Variants in KCNMB2 observed in about 807,000 individuals in gnomAD.
The protein encoded by KCNMB2 is potassium calcium-activated channel subfamily M regulatory beta subunit 2.
In KCNMB2, 9 loss-of-function variants were observed where a neutral mutation model predicts 24.5. The ratio of observed to expected loss-of-function variants is 0.37; its 90% CI spans 0.22 to 0.64. The LOEUF is 0.64. Among genes scored for constraint, KCNMB2 ranks in the 30% least tolerant of loss-of-function variants. The pLI, the probability that KCNMB2 is intolerant of heterozygous loss-of-function variation, is 0.63. For synonymous variants in KCNMB2, 109 were observed against 104.4 expected (o/e 1.04, Z -0.27); for missense variants, 226 against 284.3 (o/e 0.79, Z 1.47).
chr3:178,811,390 G>A (rs1275779375), intron 2 of KCNMB2, among the ~76,000 whole-genome samples: 1 of 151,938 alleles, frequency 6.6e-6, no homozygotes, highest in Non-Finnish European at 1.5e-5. Flanking sequence ...TTTTTTTCAT[G>A]AGTTTATCAC....
intron 1 of KCNMB2, among the ~76,000 whole-genome samples, chr3:178,636,263 G>A (rs936435980): frequency 6.6e-6 from 1 of 152,120 alleles, no homozygotes; most frequent in Non-Finnish European, 1.5e-5. Flanking sequence ...GAATGGGAGG[G>A]GAGTGAGGGA....
intron 1 of KCNMB2, among the ~76,000 whole-genome samples, chr3:178,715,301 A>G (rs1722582893): frequency 6.6e-6 from 1 of 151,994 alleles, no homozygotes. Flanking sequence ...TGGGAAGAAC[A>G]GATCCGAAAG....
At chr3:178,811,667 G>C (rs1201997352) in intron 2 of KCNMB2, among the ~76,000 whole-genome samples, 1 of 152,060 alleles carries the variant, frequency 6.6e-6, no homozygotes, top group African/African-American at 2.4e-5. Flanking sequence ...CAACAATGAT[G>C]CTATTCTTCT....
intron 1 of KCNMB2, among the ~76,000 whole-genome samples, chr3:178,709,493 G>A (rs1187573299): frequency 6.6e-6 from 1 of 152,182 alleles, no homozygotes; most frequent in South Asian, 2.1e-4. Flanking sequence ...CACTGTCAGT[G>A]CTAGGTCAAT....
At chr3:178,570,850 G>GCTAT (rs1208256519) in intron 1 of KCNMB2, among the ~76,000 whole-genome samples, 1 of 152,094 alleles carries the variant, frequency 6.6e-6, no homozygotes, top group Admixed American at 6.5e-5. Flanking sequence ...ACAAAGATAT[G>GCTAT]CTATCTTACT....
chr3:178,680,864 T>G (rs79202072), intron 1 of KCNMB2, among the ~76,000 whole-genome samples: 4,939 of 152,148 alleles, frequency 0.032, 211 homozygotes, highest in East Asian at 0.18. Context: ...GGCCCCCAGA[T>G]TCCCTAAACA....
At chr3:178,819,740 A>G (rs1255864167) in intron 2 of KCNMB2, among the ~76,000 whole-genome samples, 1 of 152,218 alleles carries the variant, frequency 6.6e-6, no homozygotes, top group Non-Finnish European at 1.5e-5. Context: ...AAGTGGTCAT[A>G]ATGTGAAATT....
intron 1 of KCNMB2, among the ~76,000 whole-genome samples, chr3:178,775,538 G>T (rs1045887601): frequency 7.2e-5 from 11 of 152,098 alleles, no homozygotes; most frequent in Non-Finnish European, 1.3e-4. Context: ...AAAAATATTA[G>T]ATTCTTAAAA....
At chr3:178,776,483 T>C (rs568277783) in intron 1 of KCNMB2, among the ~76,000 whole-genome samples, 1 of 152,330 alleles carries the variant, frequency 6.6e-6, no homozygotes, top group South Asian at 2.1e-4. Context: ...ACATTTCAAA[T>C]ATGTAAATAT....
intron 1 of KCNMB2, among the ~76,000 whole-genome samples, chr3:178,709,482 T>C (rs1722382665): frequency 6.6e-6 from 1 of 152,186 alleles, no homozygotes; most frequent in African/African-American, 2.4e-5. Context: ...CTAGCAGCAG[T>C]CACTGTCAGT....
intron 1 of KCNMB2, among the ~76,000 whole-genome samples, chr3:178,684,264 A>C (rs1482274459): frequency 6.8e-6 from 1 of 147,310 alleles, no homozygotes; most frequent in Non-Finnish European, 1.5e-5. Flanking sequence ...AAATTGCATA[A>C]TCTCAGTTAT....
rs148726893 is a variant in KCNMB2, at chr3:178,592,884, C to T, written c.-68+56173C>T. Among the ~76,000 whole-genome samples, 20 of 152,120 alleles carry T rather than the reference C, an allele frequency of 1.3e-4. No homozygotes were observed. The East Asian group carries it at 3.7e-3, about 28-fold the overall frequency. ...TGGAGCTTCTAATGCACACTGAAGT[C>T]GTTTTCTTTTTTCGTGTGACTCTTT... On this transcript the variant is annotated intron_variant, in intron 1 of 4. Coordinates refer to ENST00000452583, the MANE Select transcript of KCNMB2 (RefSeq NM_181361.3).
chr3:178,551,950 A>T (rs1340520039), intron 1 of KCNMB2, among the ~76,000 whole-genome samples: 1 of 152,148 alleles, frequency 6.6e-6, no homozygotes, highest in African/African-American at 2.4e-5. Flanking sequence ...CACAAGCCCC[A>T]GGTGTGCAGG....
intron 1 of KCNMB2, among the ~76,000 whole-genome samples, chr3:178,669,465 G>A (rs991819749): frequency 2.0e-5 from 3 of 152,116 alleles, no homozygotes; most frequent in African/African-American, 4.8e-5. Context: ...GCCTAGGGAC[G>A]TCCTGGGCAA....
In KCNMB2 at chr3:178,828,320, G is replaced by T; in HGVS notation, c.370G>T (p.Gly124Trp). The T allele has an allele frequency of 1.9e-6, 3 of 1,613,868 alleles. No homozygotes were observed. The highest frequency in any genetic ancestry group is 2.5e-6 in the Non-Finnish European group (3 of 1,179,906). ...GGTGTACGTTAACCTGACTTCTTCC[G>T]GGGAAAAGCTCCTCCTCTACCACAC... ...LQVYVNLTSS[G>W]EKLLLYHTEE... The change falls in exon 4 of 5, where the codon GGG becomes TGG. Residue 124 changes from glycine to tryptophan, a missense_variant. Coordinates refer to ENST00000452583, the MANE Select transcript of KCNMB2 (RefSeq NM_181361.3).
intron 1 of KCNMB2, among the ~76,000 whole-genome samples, chr3:178,603,422 C>T (rs1340504374): frequency 6.6e-6 from 1 of 151,166 alleles, no homozygotes; most frequent in African/African-American, 2.4e-5. Flanking sequence ...AAAAGAGAAG[C>T]CCTAGAACAA....
intron 1 of KCNMB2, among the ~76,000 whole-genome samples, chr3:178,780,556 A>G (rs1712787774): frequency 6.6e-6 from 1 of 152,228 alleles, no homozygotes; most frequent in Admixed American, 6.5e-5. Flanking sequence ...TACAATTTCA[A>G]GTGGCTACTA....
chr3:178,540,092 G>A (rs761821412), intron 1 of KCNMB2, among the ~76,000 whole-genome samples: 12 of 152,070 alleles, frequency 7.9e-5, no homozygotes, highest in Non-Finnish European at 1.6e-4. Context: ...TCAAAGTTCG[G>A]AATTCCACAA....
intron 1 of KCNMB2, among the ~76,000 whole-genome samples, chr3:178,640,069 A>G (rs1719668844): frequency 3.3e-5 from 5 of 152,146 alleles, no homozygotes; most frequent in Admixed American, 2.0e-4. Flanking sequence ...GAAAAAAAAA[A>G]TGCCATGAAA....
Sources: allele counts gnomAD v4.1 joint callset (sites outside exome capture counted in the v4.1 genomes callset), GRCh38; gene constraint gnomAD v4.1.1; transcripts MANE v1.5; gene names NCBI Gene and HGNC (gene_info 2026-07-23, HGNC 2026-07-21).